The following WDR49 variants were observed in gnomAD, a reference collection of about 807,000 sequenced individuals.
WDR49 encodes the protein WD repeat domain 49.
A neutral mutation model predicts 119.5 loss-of-function variants in WDR49; 107 were observed. The ratio of observed to expected loss-of-function variants is 0.90; its 90% CI spans 0.77 to 1.05. The LOEUF (loss-of-function observed/expected upper bound fraction) is 1.05. Ranked by LOEUF, WDR49 falls within the 50% of genes least tolerant of loss-of-function variation. The pLI is 0.00. For synonymous variants in WDR49, 425 were observed against 418.8 expected (o/e 1.01, Z -0.18); for missense variants, 1,240 against 1,220.5 (o/e 1.02, Z -0.24).
At chr3:167,633,630 T>C (rs9845725) in intron 2 of WDR49, 189,984 of 376,130 alleles carry the variant, frequency 0.51, 52,246 homozygotes, top group African/African-American at 0.86. Flanking sequence ...TTGCTACAAA[T>C]TCTTAGTTTT....
At chr3:167,633,136 T>C (rs532060523) in intron 2 of WDR49, among the ~76,000 whole-genome samples, 33 of 151,472 alleles carry the variant, frequency 2.2e-4, no homozygotes, top group Non-Finnish European at 3.7e-4. Flanking sequence ...TTTGGAGGTG[T>C]TCATAATTAT....
chr3:167,577,632 G>A (rs762248927), intron 7 of WDR49, among the ~76,000 whole-genome samples: 28 of 152,062 alleles, frequency 1.8e-4, no homozygotes, highest in South Asian at 8.3e-4. Context: ...CCTGTAATGC[G>A]TTCAATGAAT....
intron 10 of WDR49, 116 bp from the exon 11 acceptor site, chr3:167,537,116 A>G: frequency 9.7e-7 from 1 of 1,028,536 alleles, no homozygotes. Flanking sequence ...GCTGCCCAAA[A>G]TTTATCCCCA....
chr3:167,590,095 G>A (rs1003247054), intron 7 of WDR49, among the ~76,000 whole-genome samples: 26 of 151,932 alleles, frequency 1.7e-4, no homozygotes, highest in Admixed American at 1.4e-3. Context: ...AACTTTTTGA[G>A]TTTTTTAAAT....
At chr3:167,623,190 C>A (rs571191678) in intron 3 of WDR49, among the ~76,000 whole-genome samples, 1 of 152,064 alleles carries the variant, frequency 6.6e-6, no homozygotes, top group South Asian at 2.1e-4. Flanking sequence ...TTTTATCAGG[C>A]CAGGATTACT....
intron 16 of WDR49, among the ~76,000 whole-genome samples, chr3:167,518,585 GT>G (rs1484127202): frequency 1.4e-5 from 2 of 147,324 alleles, no homozygotes; most frequent in South Asian, 2.2e-4. Context: ...GGGGTTGTTT[GT>G]TTTTTTCTTG....
chr3:167,557,040 C>T (rs142009357), intron 9 of WDR49, among the ~76,000 whole-genome samples: 1 of 151,588 alleles, frequency 6.6e-6, no homozygotes, highest in African/African-American at 2.4e-5. Flanking sequence ...AACAAACAAA[C>T]AAAAAAATTA....
chr3:167,636,948 G>T (rs1383008419), intron 2 of WDR49, among the ~76,000 whole-genome samples: 1 of 151,798 alleles, frequency 6.6e-6, no homozygotes, highest in Non-Finnish European at 1.5e-5. Context: ...TGAGTTGTCT[G>T]TTTACTCTGC....
intron 17 of WDR49, among the ~76,000 whole-genome samples, chr3:167,503,148 T>A (rs1751639110): frequency 1.3e-5 from 2 of 152,220 alleles, no homozygotes; most frequent in Non-Finnish European, 2.9e-5. Context: ...CTCCAGAGTG[T>A]GTAAGCCATA....
intron 16 of WDR49, among the ~76,000 whole-genome samples, chr3:167,507,492 T>G (rs1332465746): frequency 6.6e-6 from 1 of 152,178 alleles, no homozygotes; most frequent in African/African-American, 2.4e-5. Flanking sequence ...TTGCAGTTAT[T>G]GGATTAAGAA....
At chr3:167,583,150 C>A (rs185175141) in intron 7 of WDR49, among the ~76,000 whole-genome samples, 386 of 152,216 alleles carry the variant, frequency 2.5e-3, no homozygotes, top group Non-Finnish European at 4.5e-3. Flanking sequence ...ATTCACATAA[C>A]ATTAAAACCT....
chr3:167,506,807 G>A (rs1156296658), intron 16 of WDR49, among the ~76,000 whole-genome samples: 3 of 152,144 alleles, frequency 2.0e-5, no homozygotes, highest in Non-Finnish European at 4.4e-5. Flanking sequence ...TCTGGCCTGT[G>A]ACGATTTTTC....
chr3:167,650,780 G>A (rs1262049812), intron 2 of WDR49, among the ~76,000 whole-genome samples: 1 of 152,154 alleles, frequency 6.6e-6, no homozygotes, highest in Non-Finnish European at 1.5e-5. Context: ...ATTATCTAAT[G>A]TTAATTGAGC....
chr3:167,490,361 C>T (rs185426841), intron 18 of WDR49, among the ~76,000 whole-genome samples: 164 of 152,130 alleles, frequency 1.1e-3, no homozygotes, highest in Middle Eastern at 6.8e-3. Flanking sequence ...AAATGTAGAG[C>T]AATAGGAAGG....
At chr3:167,536,784 A>C in intron 11 of WDR49, 86 bp downstream of exon 11, 10 of 1,147,074 alleles carry the variant, frequency 8.7e-6, no homozygotes, top group Non-Finnish European at 1.1e-5. Context: ...ACAACTGAGA[A>C]AAAGCTTTTC....
chr3:167,522,476 G>A lies in WDR49; in HGVS notation c.2613C>T (p.His871=), dbSNP rs1307480327. ...APVWIFGQAK[H]WHIENCLFLP... ...GGAAAAGGCAGTTTTCAATATGCCA[G>A]TGCTTTGCCTGAAAAAAACGAAAAC... Residue 871 remains histidine, a synonymous_variant, in exon 16 of 19, where the codon CAC becomes CAT. Transcript: ENST00000682715. 1 of 1,587,106 alleles carries A rather than the reference G, an allele frequency of 6.3e-7. No individual in the cohort carries two copies. Among genetic ancestry groups the A allele is most frequent in the Non-Finnish European group, 8.5e-7 (1 of 1,173,840 alleles).
At chr3:167,482,175 T>C (rs908682675) in intron 18 of WDR49, among the ~76,000 whole-genome samples, 1 of 152,282 alleles carries the variant, frequency 6.6e-6, no homozygotes, top group South Asian at 2.1e-4. Context: ...AAAAGTATCT[T>C]GCATTAGATA....
At chr3:167,531,368 C>T in intron 12 of WDR49, 89 bp from the exon 13 acceptor site, 1 of 1,404,276 alleles carries the variant, frequency 7.1e-7, no homozygotes, top group South Asian at 1.3e-5. Context: ...CCACATCTAT[C>T]ACTATATCCA....
At chr3:167,510,781 T>C (rs916281680) in intron 16 of WDR49, among the ~76,000 whole-genome samples, 5 of 152,132 alleles carry the variant, frequency 3.3e-5, no homozygotes, top group Non-Finnish European at 7.4e-5. Flanking sequence ...TTTTTCTTCA[T>C]GTTTCTTGTT....
Sources: gnomAD v4.1 joint callset for allele counts (sites outside exome capture counted in the v4.1 genomes callset) on GRCh38, gnomAD v4.1.1 for gene constraint, MANE v1.5 for transcripts, NCBI Gene and HGNC (gene_info 2026-07-23, HGNC 2026-07-21) for gene names.